TMC1: variants seen among roughly 807,000 people sequenced by gnomAD.
TMC1 encodes transmembrane channel like 1.
A neutral mutation model predicts 105.8 loss-of-function variants in TMC1; 84 were observed. The ratio of observed to expected loss-of-function variants is 0.79; its 90% CI spans 0.67 to 0.95. The LOEUF (loss-of-function observed/expected upper bound fraction) is 0.95, where lower values mean the gene tolerates loss of function less well. Among genes scored for constraint, TMC1 ranks in the 40% least tolerant of loss-of-function variants. TMC1 has a pLI of 0.00. For missense variants in TMC1, 817 were observed against 914.1 expected, an observed-to-expected ratio of 0.89 and a Z score of 1.37; for synonymous variants, 315 against 311.5, an observed-to-expected ratio of 1.01 and a Z score of -0.12.
chr9:72,571,897 C>G (rs1336220856), intron 1 of TMC1, among the ~76,000 whole-genome samples: 5 of 151,400 alleles, frequency 3.3e-5, no homozygotes, highest in African/African-American at 9.7e-5. Context: ...AGTGCAATGG[C>G]GTAATCTCGG....
intron 17 of TMC1, among the ~76,000 whole-genome samples, chr9:72,802,759 A>G (rs1279807032): frequency 6.6e-6 from 1 of 152,216 alleles, no homozygotes; most frequent in Non-Finnish European, 1.5e-5. Context: ...AAAACATTCC[A>G]TGCTCATGGA....
Position 72,607,002 on chromosome 9 carries a change from T to TATAGAGAGAGAGAGAG in TMC1, c.-305-9365_-305-9364insTAGAGAGAGAGAGAGA, listed in dbSNP as rs372785242. 2.0e-3 allele frequency among the ~76,000 whole-genome samples: 275 copies of TATAGAGAGAGAGAGAG among 134,946 alleles called. 1 individual carries two copies. The highest frequency in any genetic ancestry group is 3.9e-3 in the Middle Eastern group (1 of 258). The allele number at this position is 134,946 out of a possible 152,430, so 88.5% of individuals were successfully genotyped here. ...GTGTGCATATATATATATATATATA[T>TATAGAGAGAGAGAGAG]AGAGAGAGAGAGAGAGAGAGAGAGA... On this transcript the variant is annotated intron_variant, in intron 2 of 23. Transcript: ENST00000297784.
intron 2 of TMC1, among the ~76,000 whole-genome samples, chr9:72,578,789 C>T (rs958622848): frequency 5.3e-5 from 8 of 152,226 alleles, no homozygotes; most frequent in Admixed American, 1.3e-4. Flanking sequence ...AACCATGTCA[C>T]CCGCAGCCTT....
chr9:72,716,320 T>C (rs1564510481), intron 8 of TMC1, among the ~76,000 whole-genome samples: 1 of 152,220 alleles, frequency 6.6e-6, no homozygotes. Context: ...TCTTCAGAGC[T>C]GCCACACAGG....
chr9:72,546,490 G>A (rs1408077445), intron 1 of TMC1, among the ~76,000 whole-genome samples: 2 of 152,244 alleles, frequency 1.3e-5, no homozygotes, highest in East Asian at 1.9e-4. Flanking sequence ...TTCCGGTAAC[G>A]TCAGACCAGC....
At chr9:72,546,355 CAA>C (rs1207291853) in intron 1 of TMC1, among the ~76,000 whole-genome samples, 2 of 152,090 alleles carry the variant, frequency 1.3e-5, no homozygotes, top group Non-Finnish European at 2.9e-5. Flanking sequence ...TCTTCTTCTG[CAA>C]AAAGTTAGAA....
At chr9:72,636,220 G>T (rs1410280764) in intron 4 of TMC1, among the ~76,000 whole-genome samples, 16 of 152,194 alleles carry the variant, frequency 1.1e-4, no homozygotes, top group Non-Finnish European at 2.9e-5. Flanking sequence ...TCTGGGCTTA[G>T]ACTATTCTAA....
intron 13 of TMC1, among the ~76,000 whole-genome samples, chr9:72,773,224 A>T (rs1827957484): frequency 6.6e-6 from 1 of 152,122 alleles, no homozygotes; most frequent in Non-Finnish European, 1.5e-5. Context: ...TTTATATATT[A>T]AAAAAATGAC....
intron 2 of TMC1, among the ~76,000 whole-genome samples, chr9:72,601,752 A>C (rs1824819929): frequency 6.6e-6 from 1 of 152,210 alleles, no homozygotes; most frequent in African/African-American, 2.4e-5. Flanking sequence ...CTGAGGCAGA[A>C]GAATTGCTCA....
intron 3 of TMC1, among the ~76,000 whole-genome samples, chr9:72,621,733 A>G (rs1825253235): frequency 6.6e-6 from 1 of 152,146 alleles, no homozygotes; most frequent in South Asian, 2.1e-4. Context: ...AGAATCATGC[A>G]GATTGTGCTT....
chr9:72,594,563 A>G (rs147915818), intron 2 of TMC1, among the ~76,000 whole-genome samples: 1 of 152,322 alleles, frequency 6.6e-6, no homozygotes, highest in Non-Finnish European at 1.5e-5. Flanking sequence ...AACATGCCAC[A>G]TCAGCAAATT....
chr9:72,824,274 G>C (rs1033774010), intron 20 of TMC1, among the ~76,000 whole-genome samples: 2 of 152,214 alleles, frequency 1.3e-5, no homozygotes, highest in Non-Finnish European at 2.9e-5. Flanking sequence ...TCCTCAGCCT[G>C]ATGGATGGCA....
intron 8 of TMC1, among the ~76,000 whole-genome samples, chr9:72,705,433 T>C (rs1385367440): frequency 2.0e-5 from 3 of 152,130 alleles, no homozygotes; most frequent in Non-Finnish European, 2.9e-5. Context: ...TTGTGGACCA[T>C]GGTCTTCAAA....
At chr9:72,552,467 G>T (rs1354067937) in intron 1 of TMC1, among the ~76,000 whole-genome samples, 1 of 152,172 alleles carries the variant, frequency 6.6e-6, no homozygotes, top group Non-Finnish European at 1.5e-5. Flanking sequence ...CTTATTGCCT[G>T]AAGTGGGGGT....
chr9:72,812,188 A>G (rs1324636658), intron 18 of TMC1, among the ~76,000 whole-genome samples: 1 of 152,226 alleles, frequency 6.6e-6, no homozygotes, highest in African/African-American at 2.4e-5. Flanking sequence ...CAAAGTGCTC[A>G]TAGGCTTAGG....
At chr9:72,809,312 G>T (rs1828652338) in intron 18 of TMC1, among the ~76,000 whole-genome samples, 1 of 152,116 alleles carries the variant, frequency 6.6e-6, no homozygotes, top group African/African-American at 2.4e-5. Flanking sequence ...AGTGTTCCTG[G>T]GTTAGTAGAA....
At chr9:72,791,806 G>T (rs1828271570) in intron 15 of TMC1, 80 bp from the exon 16 acceptor site, 6 of 1,246,900 alleles carry the variant, frequency 4.8e-6, no homozygotes, top group Non-Finnish European at 7.0e-6. Context: ...GCCTAGCTCA[G>T]AATCTTCCAA....
chr9:72,779,261 C>T (rs1347274568), intron 13 of TMC1, among the ~76,000 whole-genome samples: 1 of 152,168 alleles, frequency 6.6e-6, no homozygotes, highest in African/African-American at 2.4e-5. Context: ...ACCTCAAAGG[C>T]ATCAAAGAAT....
At chr9:72,580,737 A>C (rs1453920577) in intron 2 of TMC1, among the ~76,000 whole-genome samples, 2 of 152,212 alleles carry the variant, frequency 1.3e-5, no homozygotes, top group African/African-American at 4.8e-5. Flanking sequence ...AAGCAAACAA[A>C]CAACTCCTCC....
Sources: gnomAD v4.1 joint callset for allele counts (sites outside exome capture counted in the v4.1 genomes callset) on GRCh38, gnomAD v4.1.1 for gene constraint, MANE v1.5 for transcripts, NCBI Gene and HGNC (gene_info 2026-07-23, HGNC 2026-07-21) for gene names.